Variants in RAD51D observed in about 807,000 individuals in gnomAD.
RAD51D encodes the protein DNA repair protein RAD51 homolog 4.
RAD51D carries 38 observed loss-of-function variants against 44.1 expected under a neutral mutation model. The ratio of observed to expected loss-of-function variants is 0.86; its 90% CI spans 0.67 to 1.13. The LOEUF (loss-of-function observed/expected upper bound fraction) is 1.13. Among genes scored for constraint, RAD51D ranks in the 50% most tolerant of loss-of-function variants. The pLI, the probability that RAD51D is intolerant of heterozygous loss-of-function variation, is 0.00. For synonymous variants in RAD51D, 141 were observed against 166.6 expected (o/e 0.85, Z 1.18); for missense variants, 390 against 414.0 (o/e 0.94, Z 0.50).
rs2091490486 is a variant in RAD51D at position 35,097,077 on chromosome 17, A to G, written c.*3876T>C. On this transcript the variant is annotated 3_prime_UTR_variant, in exon 10 of 10. Transcript: ENST00000345365. Reference sequence around the variant, plus strand: ...GCATACAATAGTCCCCTGTAAAAAGATATGTAAGAAGACACTCTGGGGACT... The same window carrying G: ...GCATACAATAGTCCCCTGTAAAAAGGTATGTAAGAAGACACTCTGGGGACT... The G allele has an allele frequency of 6.6e-6, 1 of 152,090 alleles. No homozygotes were observed. The highest frequency in any genetic ancestry group is 1.9e-4 in the East Asian group (1 of 5,194). 9.4% of individuals were successfully genotyped at this position (152,090 alleles called of 1,614,324 possible). A position where few individuals can be genotyped will look rare whatever the true frequency, so the allele number is the denominator to read the frequency against.
Position 35,119,741 on chromosome 17 carries a change from G to A in RAD51D, c.-128C>T, listed in dbSNP as rs1342280212. 2.2e-6 allele frequency: 2 copies of A among 921,052 alleles called. No individual in the cohort carries two copies. Among genetic ancestry groups the A allele is most frequent in the Admixed American group, 1.9e-5 (1 of 51,480 alleles). 57.1% of individuals were successfully genotyped at this position (921,052 alleles called of 1,614,324 possible). On this transcript the variant is annotated 5_prime_UTR_variant, in exon 1 of 10. Transcript: ENST00000345365. ...CACAGGCGCGCTGGCTGCCGGAGGA[G>A]AAAGGAGAGAGGAGGAGGCGGCACC...
At chr17:35,117,748 C>T (rs28363261) in intron 3 of RAD51D, among the ~76,000 whole-genome samples, 5 of 152,152 alleles carry the variant, frequency 3.3e-5, no homozygotes, top group African/African-American at 4.8e-5. Context: ...AGTGATCTGC[C>T]GCCTCAGCCT....
intron 3 of RAD51D, among the ~76,000 whole-genome samples, chr17:35,110,531 T>C (rs1485817661): frequency 6.6e-6 from 1 of 152,228 alleles, no homozygotes; most frequent in Non-Finnish European, 1.5e-5. Flanking sequence ...TTCTAAAAAT[T>C]AGACAATTTG....
At chr17:35,119,492 G>A (rs753801263) in intron 1 of RAD51D, 40 bp downstream of exon 1, 1 of 1,602,302 alleles carries the variant, frequency 6.2e-7, no homozygotes, top group South Asian at 1.1e-5. Context: ...CAGGTTGTGC[G>A]AGGCCCGCGC....
chr17:35,118,257 G>A (rs1176022618), intron 3 of RAD51D, among the ~76,000 whole-genome samples: 1 of 152,100 alleles, frequency 6.6e-6, no homozygotes, highest in African/African-American at 2.4e-5. Flanking sequence ...ATCCTACACT[G>A]CACAGGACAG....
rs1421467574 is a variant in RAD51D at position 35,096,383 on chromosome 17, T to A, written c.*4570A>T. 1.3e-5 allele frequency: 2 copies of A among 152,180 alleles called. No homozygotes were observed. Among genetic ancestry groups the A allele is most frequent in the African/African-American group, 4.8e-5 (2 of 41,448 alleles). 9.4% of individuals were successfully genotyped at this position (152,180 alleles called of 1,614,324 possible). On this transcript the variant is annotated 3_prime_UTR_variant, in exon 10 of 10. Coordinates refer to ENST00000345365, the MANE Select transcript of RAD51D (RefSeq NM_002878.4). ...GACACACAGGAGGCGATCCTTCTCCTGCCTGTAGATATTGTCACGTCTGGA... is the reference window on the plus strand; with the variant it reads ...GACACACAGGAGGCGATCCTTCTCCAGCCTGTAGATATTGTCACGTCTGGA...
In RAD51D at chr17:35,097,427, ATATATATGTGTG is replaced by A. The variant is rs1319796520; in HGVS notation, c.*3514_*3525del. 10 of 148,816 alleles carry A rather than the reference ATATATATGTGTG, an allele frequency of 6.7e-5. No individual in the cohort carries two copies. The highest frequency in any genetic ancestry group is 2.0e-4 in the African/African-American group (8 of 40,438). The allele number at this position is 148,816 out of a possible 1,614,324, so 9.2% of individuals were successfully genotyped here. A position where few individuals can be genotyped will look rare whatever the true frequency, so the allele number is the denominator to read the frequency against. ...GCCACTGCGCCTGGCTCATATGTGTATATATATGTGTGTATATATATGTGTGTATATATATAT... is the reference window on the plus strand; with the variant it reads ...GCCACTGCGCCTGGCTCATATGTGTATATATATATGTGTGTATATATATAT... On this transcript the variant is annotated 3_prime_UTR_variant, in exon 10 of 10. Transcript: ENST00000345365.
rs2091499360 is a variant in RAD51D, at chr17:35,098,016, G to A, written c.*2937C>T. The A allele has an allele frequency of 6.6e-6, 1 of 152,316 alleles. No individual in the cohort carries two copies. 9.4% of individuals were successfully genotyped at this position (152,316 alleles called of 1,614,324 possible). A position where few individuals can be genotyped will look rare whatever the true frequency, so the allele number is the denominator to read the frequency against. ...GCCGGAACAGAGTGCAGTGGCAGCA[G>A]GCAGGCAAGACAAAGTCCTGGTCTA... On this transcript the variant is annotated 3_prime_UTR_variant, in exon 10 of 10. Transcript: ENST00000345365.
In RAD51D at chr17:35,103,625, A is replaced by C; in HGVS notation, c.577-81T>G. The C allele has an allele frequency of 9.2e-7, 1 of 1,091,092 alleles. No homozygotes were observed. Among genetic ancestry groups the C allele is most frequent in the Non-Finnish European group, 1.4e-6 (1 of 722,926 alleles). The allele number at this position is 1,091,092 out of a possible 1,614,324, so 67.6% of individuals were successfully genotyped here. A position where few individuals can be genotyped will look rare whatever the true frequency, so the allele number is the denominator to read the frequency against. ...AGGACAAGCTTGCTTTTCTATCTAA[A>C]ACTAGTAAGAAATAGCCCCCCCATC... On this transcript the variant is annotated intron_variant, in intron 6 of 9. Transcript: ENST00000345365. The surrounding 1 kb of genome is among the most constrained non-coding windows in gnomAD (Gnocchi z 4.1).
intron 8 of RAD51D, among the ~76,000 whole-genome samples, chr17:35,101,988 C>T (rs997348027): frequency 2.6e-5 from 4 of 151,862 alleles, no homozygotes; most frequent in South Asian, 2.1e-4. Context: ...GGTTGTACAG[C>T]GTTATGAATG....
At position 35,095,002 on chromosome 17, in the gene RAD51D, C is replaced by T. The variant is rs965429641; in HGVS notation, c.*5951G>A. ...TTTCTTTCAGTGGCTCCAGCATGTG[C>T]TTCAGGAAAGCCTGTCCCCAGCCTC... On this transcript the variant is annotated 3_prime_UTR_variant, in exon 10 of 10. Transcript: ENST00000345365. 6.6e-6 allele frequency: 1 copy of T among 152,244 alleles called. No homozygotes were observed. The highest frequency in any genetic ancestry group is 6.5e-5 in the Admixed American group (1 of 15,288). The allele number at this position is 152,244 out of a possible 1,614,324, so 9.4% of individuals were successfully genotyped here.
chr17:35,114,015 G>A (rs540769068), intron 3 of RAD51D, among the ~76,000 whole-genome samples: 169 of 152,308 alleles, frequency 1.1e-3, no homozygotes, highest in African/African-American at 4.0e-3. Flanking sequence ...GCTCTCGCCT[G>A]TAATCCTAGC....
intron 3 of RAD51D, among the ~76,000 whole-genome samples, chr17:35,115,956 G>GGAAAGAAT (rs2091735797): frequency 1.5e-5 from 1 of 65,274 alleles, no homozygotes; most frequent in South Asian, 6.7e-4. Flanking sequence ...AAGGAAGAAA[G>GGAAAGAAT]GAAAGAAAGA....
chr17:35,096,960 G>A lies in RAD51D; in HGVS notation c.*3993C>T, dbSNP rs1409985103. 6.6e-6 allele frequency: 1 copy of A among 152,136 alleles called. No individual in the cohort carries two copies. The highest frequency in any genetic ancestry group is 1.5e-5 in the Non-Finnish European group (1 of 68,030). 9.4% of individuals were successfully genotyped at this position (152,136 alleles called of 1,614,324 possible). On this transcript the variant is annotated 3_prime_UTR_variant, in exon 10 of 10. Coordinates refer to ENST00000345365, the MANE Select transcript of RAD51D (RefSeq NM_002878.4). Reference sequence around the variant, plus strand: ...TACATGGACCTTTGCCTGAGTCCTTGGGAATTCAAATGCCTGATTTTTAAT... The same window carrying A: ...TACATGGACCTTTGCCTGAGTCCTTAGGAATTCAAATGCCTGATTTTTAAT...
intron 3 of RAD51D, among the ~76,000 whole-genome samples, chr17:35,116,142 C>T (rs1291149760): frequency 6.6e-6 from 1 of 152,030 alleles, no homozygotes; most frequent in African/African-American, 2.4e-5. Flanking sequence ...CAATACATTC[C>T]TCCTGGTAGT....
chr17:35,108,818 T>C (rs577212279), intron 3 of RAD51D, among the ~76,000 whole-genome samples: 78 of 151,974 alleles, frequency 5.1e-4, no homozygotes, highest in Non-Finnish European at 9.0e-4. Flanking sequence ...CAAAGTTATG[T>C]ACATAGAATT....
chr17:35,102,157 T>C (rs2091546627), intron 8 of RAD51D, among the ~76,000 whole-genome samples: 1 of 151,900 alleles, frequency 6.6e-6, no homozygotes, highest in African/African-American at 2.4e-5. Context: ...TGGACTCAGA[T>C]GGTATTTTTT....
Position 35,107,119 on chromosome 17 carries a change from AT to A in RAD51D, c.348del (p.Cys117ValfsTer19). The stretch of plus-strand genomic sequence containing the variant: ...GCCACATTTGCTGCCATACAGAGAC[AT>A]ACCTGGGGGTGGGGGCATTGGATGA... Reference protein sequence around the residue: ...VGGPGSGKTQVCLCMAANVAH... With the variant: ...VGGPGSGKTQXCLCMAANVAH... On this transcript the variant is annotated frameshift_variant and splice_region_variant, in exon 5 of 10. Coordinates refer to ENST00000345365, the MANE Select transcript of RAD51D (RefSeq NM_002878.4). LOFTEE classifies it high-confidence loss of function. 1 of 1,614,048 alleles carries A rather than the reference AT, an allele frequency of 6.2e-7. No homozygotes were observed. Among genetic ancestry groups the A allele is most frequent in the Non-Finnish European group, 8.5e-7 (1 of 1,180,016 alleles).
At chr17:35,107,942 G>A (rs907040344) in intron 3 of RAD51D, among the ~76,000 whole-genome samples, 4 of 151,240 alleles carry the variant, frequency 2.6e-5, no homozygotes, top group Non-Finnish European at 5.9e-5. Context: ...TAGAGACGGG[G>A]TTTCACCATG....
Sources: gnomAD v4.1 joint callset for allele counts (sites outside exome capture counted in the v4.1 genomes callset) on GRCh38, gnomAD v4.1.1 for gene constraint, Gnocchi (gnomAD v3.1) non-coding constraint, MANE v1.5 for transcripts, NCBI Gene and HGNC (gene_info 2026-07-23, HGNC 2026-07-21) for gene names.